The following BRMS1L variants were observed in gnomAD, a reference collection of about 807,000 sequenced individuals.
BRMS1L encodes breast cancer metastasis-suppressor 1-like protein.
A neutral mutation model predicts 50.3 loss-of-function variants in BRMS1L; 23 were observed. The observed-to-expected ratio is 0.46, with a 90% confidence interval of 0.33 to 0.65. The LOEUF (loss-of-function observed/expected upper bound fraction) is 0.65. BRMS1L is among the 30% of genes least tolerant of loss of function. BRMS1L has a pLI of 0.02. For synonymous variants in BRMS1L, 114 were observed against 126.9 expected (o/e 0.90, Z 0.69); for missense variants, 286 against 386.1 (o/e 0.74, Z 2.17).
chr14:35,853,481 G>A (rs922305806), intron 4 of BRMS1L, among the ~76,000 whole-genome samples: 3 of 151,768 alleles, frequency 2.0e-5, no homozygotes, highest in Admixed American at 2.0e-4. Flanking sequence ...TGGTGTGATC[G>A]TGGCTCACTG....
At chr14:35,831,562 C>T (rs538548570) in intron 2 of BRMS1L, 62 bp downstream of exon 2, 1 of 1,192,030 alleles carries the variant, frequency 8.4e-7, no homozygotes, top group African/African-American at 1.5e-5. Context: ...TGTATACTAG[C>T]ACAAGAGCAA....
At chr14:35,862,339 T>C (rs1012541829) in intron 4 of BRMS1L, among the ~76,000 whole-genome samples, 2 of 152,196 alleles carry the variant, frequency 1.3e-5, no homozygotes, top group African/African-American at 4.8e-5. Context: ...TACCTCTAAA[T>C]GTACATCAGA....
At chr14:35,854,320 A>G (rs899632682) in intron 4 of BRMS1L, among the ~76,000 whole-genome samples, 4 of 152,182 alleles carry the variant, frequency 2.6e-5, no homozygotes, top group African/African-American at 9.7e-5. Context: ...GTTTAGGGGA[A>G]TATAAGATTC....
intron 4 of BRMS1L, among the ~76,000 whole-genome samples, chr14:35,840,076 T>G (rs2078043433): frequency 6.6e-6 from 1 of 152,210 alleles, no homozygotes; most frequent in Non-Finnish European, 1.5e-5. Flanking sequence ...GTTTTTAGCA[T>G]GAAGTGGTGT....
chr14:35,868,750 G>T (rs1006529858), intron 9 of BRMS1L, among the ~76,000 whole-genome samples: 3 of 152,104 alleles, frequency 2.0e-5, no homozygotes, highest in Non-Finnish European at 2.9e-5. Context: ...TGTACTCCAG[G>T]CTGGGCAACA....
At chr14:35,859,796 C>T (rs2142059614) in intron 4 of BRMS1L, among the ~76,000 whole-genome samples, 1 of 151,872 alleles carries the variant, frequency 6.6e-6, no homozygotes, top group South Asian at 2.1e-4. Flanking sequence ...ACTACAGGCC[C>T]ACGCTGCCAT....
intron 4 of BRMS1L, among the ~76,000 whole-genome samples, chr14:35,838,132 T>C (rs1444072119): frequency 6.6e-6 from 1 of 152,194 alleles, no homozygotes; most frequent in Non-Finnish European, 1.5e-5. Context: ...TGTTTTGTTT[T>C]CTGTTTCTGT....
chr14:35,843,955 T>C (rs989226085), intron 4 of BRMS1L, among the ~76,000 whole-genome samples: 1 of 152,180 alleles, frequency 6.6e-6, no homozygotes, highest in Non-Finnish European at 1.5e-5. Flanking sequence ...CTCTGCCCAG[T>C]TGCAACTTCC....
chr14:35,837,720 CT>C (rs1567301899), intron 4 of BRMS1L, among the ~76,000 whole-genome samples: 1 of 151,770 alleles, frequency 6.6e-6, no homozygotes, highest in African/African-American at 2.4e-5. Context: ...GGGTAATTTT[CT>C]TTTTTGTATT....
intron 4 of BRMS1L, among the ~76,000 whole-genome samples, chr14:35,850,209 C>CTTTT (rs72493491): frequency 7.8e-6 from 1 of 128,942 alleles, no homozygotes; most frequent in African/African-American, 2.8e-5. Context: ...GTTGCCTTTT[C>CTTTT]TTTTTTTTTT....
At chr14:35,837,800 C>T (rs1038980641) in intron 4 of BRMS1L, among the ~76,000 whole-genome samples, 1 of 152,118 alleles carries the variant, frequency 6.6e-6, no homozygotes, top group Admixed American at 6.6e-5. Flanking sequence ...GGTGATCCGC[C>T]TGCCTTGACC....
intron 4 of BRMS1L, among the ~76,000 whole-genome samples, chr14:35,851,713 T>C (rs1327320203): frequency 6.6e-6 from 1 of 152,182 alleles, no homozygotes; most frequent in East Asian, 1.9e-4. Flanking sequence ...GGAATGTCAA[T>C]TGGTGCAGCC....
chr14:35,859,913 A>G (rs183042799), intron 4 of BRMS1L, among the ~76,000 whole-genome samples: 121 of 152,300 alleles, frequency 7.9e-4, no homozygotes, highest in African/African-American at 2.8e-3. Flanking sequence ...CCGTATCCCA[A>G]AGTGCTGGAA....
chr14:35,864,928 A>G lies in BRMS1L; in HGVS notation c.623-7A>G, dbSNP rs1401990647. On this transcript the variant is annotated splice_region_variant and splice_polypyrimidine_tract_variant and intron_variant, in intron 6 of 9. Coordinates refer to ENST00000216807, the MANE Select transcript of BRMS1L (RefSeq NM_032352.4). ...TCTTACAGCTAAATTGACCTTGACT[A>G]TTCAACGTCCATATATAGTTTATAT... The G allele has an allele frequency of 3.9e-6, 6 of 1,550,556 alleles. No individual in the cohort carries two copies. Among genetic ancestry groups the G allele is most frequent in the Non-Finnish European group, 5.2e-6 (6 of 1,148,000 alleles).
chr14:35,855,836 A>G (rs2078272662), intron 4 of BRMS1L, among the ~76,000 whole-genome samples: 1 of 152,178 alleles, frequency 6.6e-6, no homozygotes, highest in Admixed American at 6.5e-5. Flanking sequence ...AATCCTTTCA[A>G]CAACATTATG....
rs536803259 is a variant in BRMS1L, at chr14:35,861,454, C to T, written c.442-1136C>T. 1.4e-4 allele frequency among the ~76,000 whole-genome samples: 21 copies of T among 152,162 alleles called. 1 individual carries two copies. The South Asian group carries it at 3.1e-3, about 23-fold the overall frequency. ...CTCTCCCTTTTTCTCTGATATTTTC[C>T]GAGTTTTGCAGCACAATATAGATAA... On this transcript the variant is annotated intron_variant, in intron 4 of 9. Transcript: ENST00000216807.
At chr14:35,848,443 C>A (rs1315070343) in intron 4 of BRMS1L, among the ~76,000 whole-genome samples, 1 of 151,898 alleles carries the variant, frequency 6.6e-6, no homozygotes, top group African/African-American at 2.4e-5. Flanking sequence ...TTAAGTGAGC[C>A]CATTGCCTCA....
At chr14:35,841,998 C>CTTTTTTTTTTTTTTTTTTTTTTTTT (rs574267347) in intron 4 of BRMS1L, among the ~76,000 whole-genome samples, 2 of 112,234 alleles carry the variant, frequency 1.8e-5, no homozygotes, top group African/African-American at 7.1e-5. Flanking sequence ...GCAATCTCTG[C>CTTTTTTTTTTTTTTTTTTTTTTTTT]TTTTTTTTTT....
chr14:35,850,471 C>T (rs535892226), intron 4 of BRMS1L, among the ~76,000 whole-genome samples: 1 of 152,116 alleles, frequency 6.6e-6, no homozygotes, highest in Non-Finnish European at 1.5e-5. Context: ...GCTGGGATTA[C>T]AGGCGTGAGC....
Sources: allele counts gnomAD v4.1 joint callset (sites outside exome capture counted in the v4.1 genomes callset), GRCh38; gene constraint gnomAD v4.1.1; transcripts MANE v1.5; gene names NCBI Gene and HGNC (gene_info 2026-07-23, HGNC 2026-07-21).